Variants in AGBL3 observed in about 807,000 individuals in gnomAD.
AGBL3 encodes cytosolic carboxypeptidase 3.
AGBL3 carries 68 observed loss-of-function variants against 94.5 expected under a neutral mutation model. That is an observed-to-expected ratio of 0.72 (90% CI 0.59 to 0.88). AGBL3 has a LOEUF of 0.88. AGBL3 is among the 40% of genes least tolerant of loss of function. AGBL3 has a pLI of 0.00. For synonymous variants in AGBL3, 354 were observed against 370.7 expected (o/e 0.95, Z 0.52); for missense variants, 934 against 1,103.8 (o/e 0.85, Z 2.18).
chr7:135,106,951 T>C (rs765021173), intron 15 of AGBL3, among the ~76,000 whole-genome samples: 6 of 152,178 alleles, frequency 3.9e-5, no homozygotes, highest in Non-Finnish European at 5.9e-5. Flanking sequence ...GGAGGGTGTA[T>C]ATATCCAGGA....
intron 16 of AGBL3, among the ~76,000 whole-genome samples, chr7:135,118,809 G>A (rs1013833813): frequency 2.0e-5 from 3 of 152,056 alleles, no homozygotes; most frequent in African/African-American, 7.2e-5. Context: ...TCAGCAGAGA[G>A]AGAGAGAAAA....
At chr7:135,078,025 A>T (rs1820615925) in intron 13 of AGBL3, among the ~76,000 whole-genome samples, 1 of 152,064 alleles carries the variant, frequency 6.6e-6, no homozygotes, top group African/African-American at 2.4e-5. Flanking sequence ...CTGCAACAAC[A>T]CTGGTAGATT....
At chr7:135,126,269 T>C (rs1827852050) in intron 16 of AGBL3, among the ~76,000 whole-genome samples, 1 of 152,066 alleles carries the variant, frequency 6.6e-6, no homozygotes, top group Non-Finnish European at 1.5e-5. Flanking sequence ...GAGAGCCAAA[T>C]CATAAATGAA....
At chr7:135,031,285 A>C (rs1394662280) in intron 5 of AGBL3, among the ~76,000 whole-genome samples, 1 of 152,090 alleles carries the variant, frequency 6.6e-6, no homozygotes, top group Non-Finnish European at 1.5e-5. Context: ...TTTGAGATGA[A>C]GTCTCGCTCT....
chr7:134,999,950 G>A (rs1231471852), intron 4 of AGBL3, among the ~76,000 whole-genome samples: 1 of 152,204 alleles, frequency 6.6e-6, no homozygotes, highest in Admixed American at 6.5e-5. Context: ...TTTCAATAGA[G>A]AGCTGTTCAT....
chr7:135,077,954 C>G (rs1243930611), intron 13 of AGBL3, among the ~76,000 whole-genome samples: 1 of 152,150 alleles, frequency 6.6e-6, no homozygotes, highest in Admixed American at 6.6e-5. Context: ...TGATGCCTGA[C>G]ATTCCTGGTG....
intron 11 of AGBL3, among the ~76,000 whole-genome samples, chr7:135,058,929 G>C (rs1818577224): frequency 6.6e-6 from 1 of 152,058 alleles, no homozygotes; most frequent in Admixed American, 6.5e-5. Flanking sequence ...GCTAATTTTT[G>C]CATTTTTAGC....
At chr7:135,069,068 G>C (rs899508296) in intron 12 of AGBL3, among the ~76,000 whole-genome samples, 1 of 152,118 alleles carries the variant, frequency 6.6e-6, no homozygotes, top group Admixed American at 6.6e-5. Context: ...AAAGGCAGGG[G>C]TTGCAATCCT....
chr7:135,093,469 A>T (rs1822173580), intron 15 of AGBL3: 2 of 152,194 alleles, frequency 1.3e-5, no homozygotes. Context: ...CTAGCAATGA[A>T]CATTTAAAAA....
At position 135,026,248 on chromosome 7, in the gene AGBL3, T is replaced by TTTTATTTTATTTTA. The variant is rs1554497712; in HGVS notation, c.419-6592_419-6579dup. ...ATAAAAATAGAAATGAATACCATTA[T>TTTTATTTTATTTTA]TTTATTTTATTTTATTTTATTTTAT... On this transcript the variant is annotated intron_variant, in intron 5 of 16. Transcript: ENST00000436302. Among the ~76,000 whole-genome samples, 14 of 113,722 alleles carry TTTTATTTTATTTTA rather than the reference T, an allele frequency of 1.2e-4. 1 individual carries two copies. The highest frequency in any genetic ancestry group is 2.2e-4 in the African/African-American group (5 of 22,904). 74.6% of individuals were successfully genotyped at this position (113,722 alleles called of 152,430 possible).
At chr7:135,046,770 G>C (rs901781179) in intron 11 of AGBL3, among the ~76,000 whole-genome samples, 7 of 152,042 alleles carry the variant, frequency 4.6e-5, no homozygotes, top group Non-Finnish European at 1.0e-4. Context: ...TATAAATAAA[G>C]CTGCTACATA....
intron 5 of AGBL3, among the ~76,000 whole-genome samples, chr7:135,032,000 T>C (rs1374226518): frequency 1.3e-5 from 2 of 152,112 alleles, no homozygotes; most frequent in Admixed American, 6.5e-5. Flanking sequence ...ACCCACAAAT[T>C]TCAGCAGCCC....
intron 15 of AGBL3, among the ~76,000 whole-genome samples, chr7:135,111,191 CCT>C (rs3038318): frequency 0.48 from 73,581 of 151,758 alleles, 18,185 homozygotes; most frequent in South Asian, 0.66. Flanking sequence ...AATAAATATC[CCT>C]CTGTTTAAGG....
chr7:135,085,712 G>T (rs1333631124), intron 15 of AGBL3, among the ~76,000 whole-genome samples: 1 of 151,964 alleles, frequency 6.6e-6, no homozygotes, highest in African/African-American at 2.4e-5. Flanking sequence ...CTACATATCT[G>T]TTTTTATGTT....
At chr7:135,065,785 AG>A (rs1414584618) in intron 12 of AGBL3, among the ~76,000 whole-genome samples, 2 of 152,188 alleles carry the variant, frequency 1.3e-5, no homozygotes, top group Non-Finnish European at 2.9e-5. Context: ...CCAGCTTCTC[AG>A]GAGGCTGAGG....
In AGBL3 at chr7:135,080,883, TTA is replaced by T. The variant is rs1820868778; in HGVS notation, c.2038+624_2038+625del. Among the ~76,000 whole-genome samples the T allele has an allele frequency of 1.3e-5, 2 of 150,772 alleles. 1 individual carries two copies. The highest frequency in any genetic ancestry group is 4.2e-4 in the South Asian group (2 of 4,794). On this transcript the variant is annotated intron_variant, in intron 14 of 16. Coordinates refer to ENST00000436302, the MANE Select transcript of AGBL3 (RefSeq NM_178563.4). ...ATGTGTGTGTGTATATATATATATA[TTA>T]ATTTATTGTACATTTTTATCTACCT...
In AGBL3 at chr7:135,044,220, G is replaced by T; in HGVS notation, c.1627+69G>T. 3 of 1,442,404 alleles carry T rather than the reference G, an allele frequency of 2.1e-6. No individual in the cohort carries two copies. The South Asian group carries it at 4.6e-5, about 22-fold the overall frequency. 89.4% of individuals were successfully genotyped at this position (1,442,404 alleles called of 1,614,324 possible). A position where few individuals can be genotyped will look rare whatever the true frequency, so the allele number is the denominator to read the frequency against. On this transcript the variant is annotated intron_variant, in intron 9 of 16. Transcript: ENST00000436302. ...CAAACATGTATAATTTAATGTAAAT[G>T]TAACAGTACAGACAATAGTACTTTC...
intron 16 of AGBL3, among the ~76,000 whole-genome samples, chr7:135,126,837 C>T (rs1396588454): frequency 6.6e-6 from 1 of 152,136 alleles, no homozygotes; most frequent in Non-Finnish European, 1.5e-5. Context: ...TGAAACTGGA[C>T]CCCTTCCTTA....
chr7:135,030,318 T>C (rs1488438196), intron 5 of AGBL3, among the ~76,000 whole-genome samples: 1 of 152,164 alleles, frequency 6.6e-6, no homozygotes, highest in Non-Finnish European at 1.5e-5. Context: ...AAGCTGAAAA[T>C]ATCATAAATC....
Sources: gnomAD v4.1 joint callset for allele counts (sites outside exome capture counted in the v4.1 genomes callset) on GRCh38, gnomAD v4.1.1 for gene constraint, MANE v1.5 for transcripts, NCBI Gene and HGNC (gene_info 2026-07-23, HGNC 2026-07-21) for gene names.